GBF1: variants seen among roughly 807,000 people sequenced by gnomAD.
GBF1 encodes the protein golgi brefeldin A resistant guanine nucleotide exchange factor 1, also known as Golgi-specific brefeldin A-resistance guanine nucleotide exchange factor 1.
In GBF1, 114 loss-of-function variants were observed where a neutral mutation model predicts 210.5. The observed-to-expected ratio is 0.54, with a 90% CI of 0.47 to 0.63. GBF1 has a LOEUF of 0.63. Ranked by LOEUF, GBF1 falls within the 30% of genes least tolerant of loss-of-function variation. The pLI is 0.00. For synonymous variants in GBF1, 850 were observed against 889.2 expected (o/e 0.96, Z 0.78); for missense variants, 1,851 against 2,357.7 (o/e 0.79, Z 4.45).
In GBF1 at chr10:102,358,295, T is replaced by G. The variant is rs1589764435; in HGVS notation, c.787+109T>G. On this transcript the variant is annotated intron_variant, in intron 9 of 39. Transcript: ENST00000369983. The stretch of plus-strand genomic sequence containing the variant: ...AACTGAGGGGCTTTGGTCTTGGCGC[T>G]GAGAACAAAAAGGGAAACTCCAGGT... The G allele has an allele frequency of 2.8e-6, 3 of 1,054,570 alleles. No homozygotes were observed. The East Asian group carries it at 7.1e-5, about 25-fold the overall frequency. The allele number at this position is 1,054,570 out of a possible 1,614,324, so 65.3% of individuals were successfully genotyped here.
At chr10:102,378,634 CAAAAAAT>C (rs949747935) in intron 33 of GBF1, among the ~76,000 whole-genome samples, 3 of 151,660 alleles carry the variant, frequency 2.0e-5, no homozygotes, top group African/African-American at 7.3e-5. Context: ...GACCCTGTCT[CAAAAAAT>C]AAAATAAGAA....
chr10:102,296,337 A>C (rs1260912101), intron 3 of GBF1, among the ~76,000 whole-genome samples: 5 of 152,160 alleles, frequency 3.3e-5, no homozygotes, highest in Non-Finnish European at 7.4e-5. Flanking sequence ...TTTTTTTAGA[A>C]TATAGGTTTG....
At chr10:102,346,504 A>G (rs377428177) in intron 4 of GBF1, among the ~76,000 whole-genome samples, 182 of 152,232 alleles carry the variant, frequency 1.2e-3, no homozygotes, top group Non-Finnish European at 1.8e-3. Context: ...TAAGTAAAAA[A>G]TGATATTTTG....
intron 8 of GBF1, 49 bp from the exon 9 acceptor site, chr10:102,357,990 A>T (rs199629640): frequency 2.7e-5 from 35 of 1,275,882 alleles, no homozygotes; most frequent in Middle Eastern, 1.9e-4. Context: ...ATTAATAGGG[A>T]TAGAGTCTTA....
intron 3 of GBF1, among the ~76,000 whole-genome samples, chr10:102,336,272 G>T (rs2134412144): frequency 7.0e-6 from 1 of 143,820 alleles, no homozygotes; most frequent in South Asian, 2.2e-4. Flanking sequence ...CTGCACTCTA[G>T]CCTGGTGACA....
chr10:102,301,417 C>T (rs2077336882), intron 3 of GBF1, among the ~76,000 whole-genome samples: 1 of 152,252 alleles, frequency 6.6e-6, no homozygotes, highest in African/African-American at 2.4e-5. Context: ...ATTTCTCTAT[C>T]TTTTCCCCAC....
At chr10:102,352,598 C>A in intron 7 of GBF1, 80 bp downstream of exon 7, 2 of 922,564 alleles carry the variant, frequency 2.2e-6, no homozygotes, top group Non-Finnish European at 3.6e-6. Context: ...ACGTCAGGGA[C>A]CTGGCCAACC....
chr10:102,298,175 CCCCCGCCT>C (rs2077058456), intron 3 of GBF1, among the ~76,000 whole-genome samples: 1 of 152,008 alleles, frequency 6.6e-6, no homozygotes, highest in African/African-American at 2.4e-5. Context: ...CCTCGTGATC[CCCCCGCCT>C]CAGCCTCCCA....
chr10:102,251,048 C>G (rs926289146), intron 1 of GBF1, among the ~76,000 whole-genome samples: 6 of 148,858 alleles, frequency 4.0e-5, no homozygotes, highest in Non-Finnish European at 8.9e-5. Flanking sequence ...GTACTAAAAA[C>G]AGCTATTTAG....
chr10:102,379,822 T>C (rs769276462), intron 35 of GBF1, 31 bp from the exon 36 acceptor site: 17 of 1,548,862 alleles, frequency 1.1e-5, no homozygotes, highest in South Asian at 3.3e-5. Flanking sequence ...CTGAACCTCA[T>C]AGGGAGACAT....
At chr10:102,379,715 TG>T in intron 35 of GBF1, 64 bp downstream of exon 35, 1 of 1,578,938 alleles carries the variant, frequency 6.3e-7, no homozygotes, top group East Asian at 2.2e-5. Context: ...CCAGGCAGCC[TG>T]AAGAGCCCCT....
At chr10:102,364,805 C>T (rs181668068) in intron 17 of GBF1, among the ~76,000 whole-genome samples, 318 of 151,880 alleles carry the variant, frequency 2.1e-3, no homozygotes, top group Middle Eastern at 0.01. Context: ...GCTGAGATCA[C>T]GCCACTGCAC....
intron 3 of GBF1, among the ~76,000 whole-genome samples, chr10:102,325,375 C>A (rs762264536): frequency 6.6e-6 from 1 of 151,930 alleles, no homozygotes; most frequent in South Asian, 2.1e-4. Context: ...AATGGTGAAA[C>A]CCCGTCTCTA....
intron 3 of GBF1, among the ~76,000 whole-genome samples, chr10:102,343,017 T>C (rs569589892): frequency 2.0e-5 from 3 of 152,298 alleles, no homozygotes; most frequent in South Asian, 4.1e-4. Flanking sequence ...GGACTAATCA[T>C]GTATCTTATC....
In GBF1 at chr10:102,360,246, C is replaced by G. The variant is rs759726441; in HGVS notation, c.1243C>G (p.Leu415Val). 4 of 1,613,868 alleles carry G rather than the reference C, an allele frequency of 2.5e-6. No individual in the cohort carries two copies. The highest frequency in any genetic ancestry group is 3.4e-6 in the Non-Finnish European group (4 of 1,179,864). Residue 415 changes from leucine (L) to valine (V), a missense_variant, in exon 12 of 40, where the codon CTC becomes GTC. Physicochemically the swap from Leu to Val is conservative, Grantham distance 32. Coordinates refer to ENST00000369983, the MANE Select transcript of GBF1 (RefSeq NM_001377137.1). ...CGAGCTCTTCCGCTTCCTCATCTCCCTCACCAATCCACACGACCGCCATAA... is the reference window on the plus strand; with the variant it reads ...CGAGCTCTTCCGCTTCCTCATCTCCGTCACCAATCCACACGACCGCCATAA... ...IRELFRFLIS[L>V]TNPHDRHNSE...
chr10:102,263,690 C>A (rs2133177447), intron 3 of GBF1, among the ~76,000 whole-genome samples: 1 of 152,242 alleles, frequency 6.6e-6, no homozygotes, highest in East Asian at 1.9e-4. Flanking sequence ...ACTAGTTTTT[C>A]TCACAGATGT....
intron 1 of GBF1, among the ~76,000 whole-genome samples, chr10:102,255,552 A>G (rs1472592509): frequency 6.6e-6 from 1 of 152,000 alleles, no homozygotes; most frequent in Admixed American, 6.6e-5. Context: ...CTCCTCCACC[A>G]CTCAGTTCCA....
rs1554985675 is a variant in GBF1 at position 102,381,823 on chromosome 10, G to GAGAA, written c.5303-232_5303-231insGAAA. Among the ~76,000 whole-genome samples the GAGAA allele has an allele frequency of 4.7e-4, 9 of 19,112 alleles. 1 individual carries two copies. Among genetic ancestry groups the GAGAA allele is most frequent in the Admixed American group, 3.2e-3 (4 of 1,248 alleles). The allele number at this position is 19,112 out of a possible 152,430, so 12.5% of individuals were successfully genotyped here. A position where few individuals can be genotyped will look rare whatever the true frequency, so the allele number is the denominator to read the frequency against. On this transcript the variant is annotated intron_variant, in intron 39 of 39. Coordinates refer to ENST00000369983, the MANE Select transcript of GBF1 (RefSeq NM_001377137.1). ...CTGGGTGATAGTGAGACCCTGTCGC[G>GAGAA]AAAAAAAAAAAAAAAAAAAAAAAAA... is the stretch of plus-strand genomic sequence containing the variant.
intron 13 of GBF1, 49 bp downstream of exon 13, chr10:102,361,169 A>G (rs1165675384): frequency 1.0e-6 from 1 of 962,658 alleles, no homozygotes; most frequent in Non-Finnish European, 1.7e-6. Flanking sequence ...ATAGGGAGAT[A>G]TATGGCATCT....
Sources: gnomAD v4.1 joint callset for allele counts (sites outside exome capture counted in the v4.1 genomes callset) on GRCh38, gnomAD v4.1.1 for gene constraint, MANE v1.5 for transcripts, NCBI Gene and HGNC (gene_info 2026-07-23, HGNC 2026-07-21) for gene names.